SHOX: variants seen among roughly 807,000 people sequenced by gnomAD.
SHOX encodes the protein SHOX homeobox, also known as short stature homeobox protein.
A neutral mutation model predicts 29.6 loss-of-function variants in SHOX; 12 were observed. The ratio of observed to expected loss-of-function variants is 0.41; its 90% CI spans 0.26 to 0.66. The LOEUF (loss-of-function observed/expected upper bound fraction) is 0.66. Ranked by LOEUF, SHOX falls within the 30% of genes least tolerant of loss-of-function variation. The probability of loss-of-function intolerance (pLI) is 0.35; values close to 1 mark genes in which losing one functional copy is unlikely to be tolerated. For missense variants in SHOX, 499 were observed against 437.7 expected, an observed-to-expected ratio of 1.14 and a Z score of -1.25; for synonymous variants, 214 against 200.6, an observed-to-expected ratio of 1.07 and a Z score of -0.57.
chrX:658,078 G>A (rs970377205), intron 5 of SHOX, among the ~76,000 whole-genome samples: 1 of 151,884 alleles, frequency 6.6e-6, no homozygotes, highest in Non-Finnish European at 1.5e-5. Flanking sequence ...AGGTACAAGC[G>A]ATTCTCCTGC....
chrX:634,529 C>G, intron 1 of SHOX, 89 bp from the exon 2 acceptor site: 1 of 1,410,176 alleles, frequency 7.1e-7, no homozygotes. Context: ...TTCGAGGGCC[C>G]CCTTTCCACC....
intron 2 of SHOX, among the ~76,000 whole-genome samples, chrX:635,918 C>G (rs1256699777): frequency 6.6e-6 from 1 of 150,896 alleles, no homozygotes; most frequent in African/African-American, 2.4e-5. Context: ...GGGACCCCGT[C>G]AAAAATAAAT....
intron 2 of SHOX, among the ~76,000 whole-genome samples, chrX:639,917 C>G (rs1390572022): frequency 6.6e-6 from 1 of 151,898 alleles, no homozygotes; most frequent in Non-Finnish European, 1.5e-5. Context: ...AGGAGAATCG[C>G]TTGAACCTGG....
intron 1 of SHOX, 30 bp downstream of exon 1, chrX:631,204 G>A (rs776261446): frequency 6.2e-7 from 1 of 1,611,744 alleles, no homozygotes; most frequent in Non-Finnish European, 8.5e-7. Context: ...GGCTCCAGGG[G>A]GGCCCTCCTG....
At position 650,412 on chromosome X, in the gene SHOX, C is replaced by G. The variant is rs190760427; in HGVS notation, c.*5776C>G. The stretch of plus-strand genomic sequence containing the variant: ...GTTTCTGTTCTGGTCTTGCTGCTGT[C>G]CTTGGCCACGTCAGCACGTGGGAGC... On this transcript the variant is annotated 3_prime_UTR_variant, in exon 5 of 5. Transcript: ENST00000686671. Among the ~76,000 whole-genome samples, 383 of 152,232 alleles carry G rather than the reference C, an allele frequency of 2.5e-3. 4 individuals carry two copies. The highest frequency in any genetic ancestry group is 8.7e-3 in the African/African-American group (360 of 41,548).
upstream of SHOX, among the ~76,000 whole-genome samples, chrX:628,387 G>C (rs1429896349): frequency 8.8e-4 from 67 of 76,146 alleles, no homozygotes; most frequent in Middle Eastern, 0.011. Flanking sequence ...CTCTCCATCT[G>C]TCTGTCTCTC....
chrX:642,874 T>G (rs1219152887), intron 4 of SHOX, among the ~76,000 whole-genome samples: 38 of 132,370 alleles, frequency 2.9e-4, no homozygotes, highest in Non-Finnish European at 3.4e-4. Flanking sequence ...TGGAGATCTG[T>G]TGTCCTGGGA....
rs200808982 is a variant in SHOX at position 625,203 on chromosome X, TCTCCTC to T, written c.-433+616_-433+621del. Among the ~76,000 whole-genome samples, 81 of 122,738 alleles carry T rather than the reference TCTCCTC, an allele frequency of 6.6e-4. 1 individual carries two copies. The highest frequency in any genetic ancestry group is 4.1e-3 in the Middle Eastern group (1 of 244). The allele number at this position is 122,738 out of a possible 152,430, so 80.5% of individuals were successfully genotyped here. A position where few individuals can be genotyped will look rare whatever the true frequency, so the allele number is the denominator to read the frequency against. On this transcript the variant is annotated intron_variant, in intron 1 of 5. Transcript: ENST00000334060. ...CTTCATCGTCCCTCCTCCTCCTCCT[TCTCCTC>T]CTCCTCCTCCTCCTTCTCCCTCCTC... is the stretch of plus-strand genomic sequence containing the variant.
chrX:631,849 G>T (rs1035166296), intron 1 of SHOX: 1 of 454,948 alleles, frequency 2.2e-6, no homozygotes, highest in Non-Finnish European at 4.4e-6. Flanking sequence ...TGACGGCTTA[G>T]GATGTGTGTT....
At chrX:630,543 C>A (rs963180695), upstream of SHOX, 11 of 431,710 alleles carry the variant, frequency 2.5e-5, no homozygotes, top group Admixed American at 4.3e-4. Context: ...CGCCTGCGCC[C>A]CCCTCCTGCG....
chrX:640,677 T>C (rs2052838110), intron 2 of SHOX, 144 bp from the exon 3 acceptor site: 2 of 830,488 alleles, frequency 2.4e-6, no homozygotes, highest in Non-Finnish European at 2.1e-6. Flanking sequence ...AGAGGGGCGG[T>C]AAGTGTCTGG....
At chrX:656,434 C>T (rs2053147198), downstream of SHOX, among the ~76,000 whole-genome samples, 1 of 150,352 alleles carries the variant, frequency 6.7e-6, no homozygotes, top group South Asian at 2.1e-4. Context: ...ATTTAGCCAG[C>T]TGTGCTGGCT....
At chrX:629,545 G>T (rs1225191133), upstream of SHOX, among the ~76,000 whole-genome samples, 3 of 139,074 alleles carry the variant, frequency 2.2e-5, no homozygotes, top group African/African-American at 5.4e-5. Context: ...CCATCTCCCC[G>T]TCTCTCCGTT....
upstream of SHOX, among the ~76,000 whole-genome samples, chrX:628,165 ATC>A (rs1248385218): frequency 1.7e-5 from 1 of 57,196 alleles, no homozygotes; most frequent in East Asian, 5.1e-4. Context: ...TTCTCTCTCC[ATC>A]TCTCTGTCTC....
At chrX:651,640 GGA>G (rs2053066268), downstream of SHOX, among the ~76,000 whole-genome samples, 3 of 94,182 alleles carry the variant, frequency 3.2e-5, no homozygotes, top group East Asian at 1.0e-3. Context: ...CAGGCTTATT[GGA>G]AAAAAAAAAA....
chrX:635,239 G>C (rs747865006), intron 2 of SHOX, among the ~76,000 whole-genome samples: 4 of 151,974 alleles, frequency 2.6e-5, no homozygotes, highest in African/African-American at 4.8e-5. Context: ...ACTTTCCCTG[G>C]ATTATACTTA....
upstream of SHOX, among the ~76,000 whole-genome samples, chrX:626,823 CCTCT>C (rs1386186862): frequency 2.0e-5 from 3 of 149,384 alleles, no homozygotes; most frequent in African/African-American, 4.9e-5. Flanking sequence ...TTCTCTCTCT[CCTCT>C]CTCTCTTTTT....
chrX:633,512 G>A (rs2052684812), intron 1 of SHOX, among the ~76,000 whole-genome samples: 1 of 152,102 alleles, frequency 6.6e-6, no homozygotes, highest in South Asian at 2.1e-4. Flanking sequence ...TGTGGATCGT[G>A]GAAGGAAGAA....
chrX:653,611 T>C (rs1052487006), downstream of SHOX, among the ~76,000 whole-genome samples: 6 of 145,848 alleles, frequency 4.1e-5, no homozygotes, highest in Non-Finnish European at 7.5e-5. Context: ...TTCTCTGGAC[T>C]TGACCACATT....
Sources: gnomAD v4.1 joint callset for allele counts (sites outside exome capture counted in the v4.1 genomes callset) on GRCh38, gnomAD v4.1.1 for gene constraint, MANE v1.5 for transcripts, NCBI Gene and HGNC (gene_info 2026-07-23, HGNC 2026-07-21) for gene names.